Variants in CCDC178 observed in about 807,000 individuals in gnomAD.
The protein encoded by CCDC178 is coiled-coil domain containing 178, also known as coiled-coil domain-containing protein 178.
A neutral mutation model predicts 117.4 loss-of-function variants in CCDC178; 126 were observed. The observed-to-expected ratio is 1.07, with a 90% CI of 0.93 to 1.24. CCDC178 has a LOEUF of 1.24. CCDC178 is among the 50% of genes most tolerant of loss of function. The pLI is 0.00. For synonymous variants in CCDC178, 283 were observed against 313.4 expected, an observed-to-expected ratio of 0.90 and a Z score of 1.02; for missense variants, 1,030 against 986.9, an observed-to-expected ratio of 1.04 and a Z score of -0.59.
At chr18:33,193,422 G>T (rs754936888) in intron 20 of CCDC178, among the ~76,000 whole-genome samples, 1 of 152,000 alleles carries the variant, frequency 6.6e-6, no homozygotes, top group African/African-American at 2.4e-5. Flanking sequence ...TAACTGAGTC[G>T]TGCATACCCA....
intron 20 of CCDC178, among the ~76,000 whole-genome samples, chr18:33,207,407 A>G (rs1223857802): frequency 2.0e-5 from 3 of 151,998 alleles, no homozygotes; most frequent in African/African-American, 7.2e-5. Context: ...ATTTGAAAAC[A>G]TAATTATTTT....
Position 33,091,324 on chromosome 18 carries a change from C to CTTTT in CCDC178, c.2388+1433_2388+1436dup, listed in dbSNP as rs746505005. 3.9e-3 allele frequency among the ~76,000 whole-genome samples: 172 copies of CTTTT among 43,888 alleles called. 34 individuals are homozygous for CTTTT. Among genetic ancestry groups the CTTTT allele is most frequent in the African/African-American group, 0.013 (156 of 12,454 alleles). 28.8% of individuals were successfully genotyped at this position (43,888 alleles called of 152,430 possible). A position where few individuals can be genotyped will look rare whatever the true frequency, so the allele number is the denominator to read the frequency against. ...CTTTCCCAAACACACTTATTTCATT[C>CTTTT]TTTTTTTTTTTTTTTTTTTTTTTTT... On this transcript the variant is annotated intron_variant, in intron 21 of 22. Coordinates refer to ENST00000383096, the MANE Select transcript of CCDC178 (RefSeq NM_001105528.4).
In CCDC178 at chr18:33,020,186, C is replaced by G. The variant is rs182579482; in HGVS notation, c.2389-45505G>C. Among the ~76,000 whole-genome samples, 950 of 150,802 alleles carry G rather than the reference C, an allele frequency of 6.3e-3. 12 individuals carry two copies. The highest frequency in any genetic ancestry group is 0.021 in the African/African-American group (879 of 41,008). ...TCTTGGCCAGGCTGGTCTCAAACTC[C>G]TGGCCTGCCTCAGCCTCCCAAAGTG... On this transcript the variant is annotated intron_variant, in intron 21 of 22. Transcript: ENST00000383096.
At chr18:33,372,840 C>G (rs2063317918) in intron 5 of CCDC178, among the ~76,000 whole-genome samples, 1 of 152,142 alleles carries the variant, frequency 6.6e-6, no homozygotes, top group Non-Finnish European at 1.5e-5. Context: ...CATTTTATCA[C>G]AAGAGTCCTT....
intron 12 of CCDC178, among the ~76,000 whole-genome samples, chr18:33,278,759 G>A (rs1276527694): frequency 7.2e-5 from 11 of 151,900 alleles, no homozygotes; most frequent in East Asian, 1.9e-4. Context: ...AATATGGAAC[G>A]ATAATATATA....
intron 21 of CCDC178, among the ~76,000 whole-genome samples, chr18:32,981,776 C>A (rs1055096122): frequency 1.3e-5 from 2 of 152,068 alleles, no homozygotes; most frequent in African/African-American, 4.8e-5. Context: ...GAGTTTATAT[C>A]ATTAAGGAAA....
chr18:33,310,877 C>T, intron 11 of CCDC178, among the ~76,000 whole-genome samples: 1 of 152,134 alleles, frequency 6.6e-6, no homozygotes, highest in East Asian at 1.9e-4. Flanking sequence ...TACCAATCGC[C>T]CTTGGACTCC....
At chr18:32,954,966 T>C (rs2054563605) in intron 22 of CCDC178, among the ~76,000 whole-genome samples, 1 of 152,112 alleles carries the variant, frequency 6.6e-6, no homozygotes, top group Non-Finnish European at 1.5e-5. Context: ...ATCTCTCAAA[T>C]ACCCTTCTTT....
intron 20 of CCDC178, among the ~76,000 whole-genome samples, chr18:33,208,793 T>A (rs2059075191): frequency 6.6e-6 from 1 of 152,040 alleles, no homozygotes; most frequent in Non-Finnish European, 1.5e-5. Context: ...AATTTGGGAC[T>A]GCTATAGCCA....
intron 21 of CCDC178, among the ~76,000 whole-genome samples, chr18:32,975,260 A>G (rs1337676513): frequency 6.6e-6 from 1 of 152,052 alleles, no homozygotes; most frequent in African/African-American, 2.4e-5. Context: ...TCCAGCTAGA[A>G]CTCCCTATTA....
chr18:33,384,813 C>T (rs2063475796), intron 5 of CCDC178, among the ~76,000 whole-genome samples: 1 of 152,064 alleles, frequency 6.6e-6, no homozygotes, highest in Non-Finnish European at 1.5e-5. Context: ...AACAAGTTTG[C>T]AAAATTAACC....
chr18:33,156,953 T>A (rs1378496063), intron 20 of CCDC178, among the ~76,000 whole-genome samples: 1 of 152,236 alleles, frequency 6.6e-6, no homozygotes, highest in Non-Finnish European at 1.5e-5. Flanking sequence ...TCTACATTTA[T>A]CTTAGAAAGG....
chr18:33,042,521 A>G (rs1006132697), intron 21 of CCDC178, among the ~76,000 whole-genome samples: 2 of 151,936 alleles, frequency 1.3e-5, no homozygotes, highest in African/African-American at 4.8e-5. Context: ...TAAAGAGACC[A>G]AAAATGCAAT....
At chr18:33,324,556 C>T (rs991691317) in intron 10 of CCDC178, among the ~76,000 whole-genome samples, 2 of 151,826 alleles carry the variant, frequency 1.3e-5, no homozygotes, top group Non-Finnish European at 1.5e-5. Flanking sequence ...CAGAAGAAAG[C>T]CTATGTTCCA....
chr18:33,424,511 T>A (rs1480398682), intron 2 of CCDC178, among the ~76,000 whole-genome samples: 3 of 152,190 alleles, frequency 2.0e-5, no homozygotes, highest in African/African-American at 7.2e-5. Flanking sequence ...AGTTCATACT[T>A]GGTTCTAAGC....
At chr18:33,256,644 T>G (rs1032358470) in intron 14 of CCDC178, among the ~76,000 whole-genome samples, 3 of 152,104 alleles carry the variant, frequency 2.0e-5, no homozygotes, top group African/African-American at 7.2e-5. Context: ...TGCCATTATC[T>G]TTTTGAATAC....
At chr18:33,395,311 C>T (rs909441080) in intron 4 of CCDC178, among the ~76,000 whole-genome samples, 4 of 151,738 alleles carry the variant, frequency 2.6e-5, no homozygotes, top group Non-Finnish European at 5.9e-5. Context: ...TAAGCTTCAA[C>T]AAGCTTCAAA....
chr18:33,436,024 G>A (rs1410061730), intron 2 of CCDC178, among the ~76,000 whole-genome samples: 1 of 151,866 alleles, frequency 6.6e-6, no homozygotes, highest in Non-Finnish European at 1.5e-5. Context: ...ACATAGTTTT[G>A]GGAATTATTA....
intron 20 of CCDC178, among the ~76,000 whole-genome samples, chr18:33,167,865 TCTAAATAA>T (rs1203967193): frequency 8.0e-6 from 1 of 125,368 alleles, no homozygotes; most frequent in African/African-American, 3.1e-5. Flanking sequence ...AGACTCTGTC[TCTAAATAA>T]ATAAATAAAT....
Sources: gnomAD v4.1 joint callset for allele counts (sites outside exome capture counted in the v4.1 genomes callset) on GRCh38, gnomAD v4.1.1 for gene constraint, MANE v1.5 for transcripts, NCBI Gene and HGNC (gene_info 2026-07-23, HGNC 2026-07-21) for gene names.